HIPK3: variants seen among roughly 807,000 people sequenced by gnomAD.
The protein encoded by HIPK3 is homeodomain-interacting protein kinase 3.
Under a neutral mutation model 124.2 loss-of-function variants are expected in HIPK3, and 47 were observed. The ratio of observed to expected loss-of-function variants is 0.38; its 90% CI spans 0.30 to 0.48. HIPK3 has a LOEUF of 0.48. Among genes scored for constraint, HIPK3 ranks in the 20% least tolerant of loss-of-function variants. The pLI is 0.98. For synonymous variants in HIPK3, 482 were observed against 515.2 expected, an observed-to-expected ratio of 0.94 and a Z score of 0.87; for missense variants, 1,286 against 1,454.3, an observed-to-expected ratio of 0.88 and a Z score of 1.88.
intron 13 of HIPK3, among the ~76,000 whole-genome samples, 162 bp from the exon 14 acceptor site, chr11:33,348,985 C>T (rs887334761): frequency 5.3e-5 from 8 of 152,174 alleles, no homozygotes; most frequent in African/African-American, 1.2e-4. Context: ...ACATTTAGCA[C>T]GATTATTATA....
At chr11:33,284,878 A>G (rs1851507260) in intron 1 of HIPK3, among the ~76,000 whole-genome samples, 3 of 152,132 alleles carry the variant, frequency 2.0e-5, no homozygotes, top group Non-Finnish European at 4.4e-5. Flanking sequence ...GTGGCAGACC[A>G]AGTAGATGGA....
chr11:33,281,924 G>A (rs1035846359), intron 1 of HIPK3, among the ~76,000 whole-genome samples: 1 of 152,110 alleles, frequency 6.6e-6, no homozygotes, highest in African/African-American at 2.4e-5. Flanking sequence ...ATTGTCTTGA[G>A]TTGCCTGCAT....
intron 1 of HIPK3, among the ~76,000 whole-genome samples, chr11:33,279,797 G>C (rs1851365364): frequency 6.6e-6 from 1 of 152,158 alleles, no homozygotes; most frequent in Admixed American, 6.6e-5. Context: ...CAGCAGATTT[G>C]GTGTGTGGTG....
At chr11:33,341,782 C>T in intron 8 of HIPK3, 96 bp downstream of exon 8, 4 of 1,195,348 alleles carry the variant, frequency 3.3e-6, no homozygotes, top group Non-Finnish European at 3.5e-6. Context: ...ATAATTTTTG[C>T]TGCATTTAGT....
intron 1 of HIPK3, among the ~76,000 whole-genome samples, chr11:33,271,773 CT>C (rs1851129934): frequency 6.6e-6 from 1 of 152,006 alleles, no homozygotes; most frequent in Admixed American, 6.6e-5. Flanking sequence ...TAATATCTTT[CT>C]TTTTTATACA....
At chr11:33,287,598 GAGAC>G in intron 2 of HIPK3, 87 bp downstream of exon 2, 1 of 1,366,080 alleles carries the variant, frequency 7.3e-7, no homozygotes, top group East Asian at 2.3e-5. Context: ...TGTGGTAGAA[GAGAC>G]CACTTCAGTT....
At chr11:33,281,190 C>G (rs777380363) in intron 1 of HIPK3, among the ~76,000 whole-genome samples, 3 of 151,532 alleles carry the variant, frequency 2.0e-5, no homozygotes, top group Non-Finnish European at 4.4e-5. Context: ...CTGTCTCAGC[C>G]TCCCGAGTAG....
intron 1 of HIPK3, 77 bp downstream of exon 1, chr11:33,257,966 G>T (rs1026752917): frequency 8.4e-5 from 82 of 980,648 alleles, no homozygotes; most frequent in Admixed American, 2.5e-4. Context: ...GCGGCCAGCG[G>T]ACCCCAAGCC....
chr11:33,335,955 C>T (rs1853132978), intron 3 of HIPK3, among the ~76,000 whole-genome samples: 1 of 152,142 alleles, frequency 6.6e-6, no homozygotes, highest in African/African-American at 2.4e-5. Context: ...GTGTACCATG[C>T]ACTTTCATGG....
chr11:33,337,007 T>C, intron 3 of HIPK3, 68 bp from the exon 4 acceptor site: 1 of 1,137,048 alleles, frequency 8.8e-7, no homozygotes, highest in South Asian at 1.5e-5. Context: ...ACATATAGCC[T>C]AGTGTCTGAC....
chr11:33,278,754 G>T (rs970898376), intron 1 of HIPK3, among the ~76,000 whole-genome samples: 14 of 152,118 alleles, frequency 9.2e-5, no homozygotes, highest in Non-Finnish European at 2.1e-4. Context: ...TGAGGCAGGA[G>T]AATGGCGTGA....
intron 3 of HIPK3, among the ~76,000 whole-genome samples, chr11:33,334,167 G>A (rs1474479493): frequency 2.0e-5 from 3 of 152,166 alleles, no homozygotes; most frequent in Non-Finnish European, 2.9e-5. Flanking sequence ...ACACAATCTA[G>A]TAGGGAAAAC....
At chr11:33,265,551 A>T (rs267446) in intron 1 of HIPK3, among the ~76,000 whole-genome samples, 1 of 140,594 alleles carries the variant, frequency 7.1e-6, no homozygotes, top group East Asian at 2.2e-4. Context: ...TGGTGTGTGG[A>T]TCGCTTGAGC....
chr11:33,275,918 T>C (rs1851258122), intron 1 of HIPK3, among the ~76,000 whole-genome samples: 1 of 152,240 alleles, frequency 6.6e-6, no homozygotes, highest in Non-Finnish European at 1.5e-5. Flanking sequence ...CTTTGGGTGC[T>C]CTGGGCTACG....
At chr11:33,258,446 G>T in intron 1 of HIPK3, 1 of 985,454 alleles carries the variant, frequency 1.0e-6, no homozygotes, top group Non-Finnish European at 1.2e-6. Flanking sequence ...GGTTTGCAGG[G>T]TGTCAACTCT....
At chr11:33,316,488 C>A (rs1335488837) in intron 2 of HIPK3, among the ~76,000 whole-genome samples, 1 of 152,100 alleles carries the variant, frequency 6.6e-6, no homozygotes. Context: ...TATTTCTTTC[C>A]CCCTGAGGCA....
At chr11:33,268,962 A>G (rs1851049614) in intron 1 of HIPK3, among the ~76,000 whole-genome samples, 2 of 152,188 alleles carry the variant, frequency 1.3e-5, no homozygotes. Flanking sequence ...AAAATATGAA[A>G]TCGTATCTGA....
rs756044088 is a variant in HIPK3, at chr11:33,340,951, C to A, written c.1614-17C>A. The A allele has an allele frequency of 1.1e-5, 17 of 1,478,644 alleles. 1 individual carries two copies. The South Asian group carries it at 2.0e-4, about 17-fold the overall frequency. The allele number at this position is 1,478,644 out of a possible 1,614,324, so 91.6% of individuals were successfully genotyped here. Reference sequence around the variant, plus strand: ...TTTTAAAATAATACTGTAATACCTTCACTTTTTCTTTTACAGTGTAAAGTC... The same window carrying A: ...TTTTAAAATAATACTGTAATACCTTAACTTTTTCTTTTACAGTGTAAAGTC... On this transcript the variant is annotated splice_polypyrimidine_tract_variant and intron_variant, in intron 6 of 16. Coordinates refer to ENST00000303296, the MANE Select transcript of HIPK3 (RefSeq NM_005734.5).
At chr11:33,347,558 A>C in intron 9 of HIPK3, 71 bp from the exon 10 acceptor site, 1 of 1,579,112 alleles carries the variant, frequency 6.3e-7, no homozygotes, top group South Asian at 1.2e-5. Flanking sequence ...GATAGTTTTG[A>C]GTTTAAGATA....
Sources: gnomAD v4.1 joint callset for allele counts (sites outside exome capture counted in the v4.1 genomes callset) on GRCh38, gnomAD v4.1.1 for gene constraint, MANE v1.5 for transcripts, NCBI Gene and HGNC (gene_info 2026-07-23, HGNC 2026-07-21) for gene names.